KALRN: variants seen among roughly 807,000 people sequenced by gnomAD.
The protein encoded by KALRN is kalirin.
In KALRN, 70 loss-of-function variants were observed where a neutral mutation model predicts 353.7. That is an observed-to-expected ratio of 0.20 (90% CI 0.16 to 0.24). The LOEUF (loss-of-function observed/expected upper bound fraction) is 0.24. Among genes scored for constraint, KALRN ranks in the 10% least tolerant of loss-of-function variants. KALRN has a pLI of 1.00. For synonymous variants in KALRN, 1,391 were observed against 1,434.8 expected (o/e 0.97, Z 0.69); for missense variants, 2,791 against 3,756.7 (o/e 0.74, Z 6.72).
At position 124,101,596 on chromosome 3, in the gene KALRN, A is replaced by T. The variant is rs2061865694; in HGVS notation, c.73+67783A>T. ...GGATTGATTCTGCTCAGGTGCAAGAAGTCAAGAGGCAGCTGGACCTCATGG... is the reference window on the plus strand; with the variant it reads ...GGATTGATTCTGCTCAGGTGCAAGATGTCAAGAGGCAGCTGGACCTCATGG... On this transcript the variant is annotated intron_variant, in intron 1 of 59. Coordinates refer to ENST00000682506, the MANE Select transcript of KALRN (RefSeq NM_001388419.1). 2.6e-5 allele frequency among the ~76,000 whole-genome samples: 4 copies of T among 152,324 alleles called. No homozygotes were observed. The South Asian group carries it at 8.3e-4, about 32-fold the overall frequency.
intron 10 of KALRN, among the ~76,000 whole-genome samples, chr3:124,381,638 A>T (rs1318450515): frequency 6.6e-6 from 1 of 152,166 alleles, no homozygotes; most frequent in African/African-American, 2.4e-5. Flanking sequence ...TCACTGACTT[A>T]TCCAACCTGA....
chr3:124,337,623 G>A (rs1236448968), intron 9 of KALRN, among the ~76,000 whole-genome samples: 3 of 152,114 alleles, frequency 2.0e-5, no homozygotes, highest in Admixed American at 6.5e-5. Context: ...TTGTGTCTCC[G>A]ACAGGGTTTG....
In KALRN at chr3:124,658,520, A is replaced by G. The variant is rs2084383665; in HGVS notation, c.6123+3A>G. ...CTGAGTATGACGCCTACTTTGAGGT[A>G]AGCTGTGCAGGCTTTGCTGAACTGG... On this transcript the variant is annotated splice_donor_region_variant and intron_variant, in intron 42 of 59. Transcript: ENST00000682506. 1 of 1,613,198 alleles carries G rather than the reference A, an allele frequency of 6.2e-7. No homozygotes were observed. Among genetic ancestry groups the G allele is most frequent in the Non-Finnish European group, 8.5e-7 (1 of 1,179,142 alleles).
At chr3:124,288,252 C>G (rs986795108) in intron 5 of KALRN, among the ~76,000 whole-genome samples, 1 of 152,102 alleles carries the variant, frequency 6.6e-6, no homozygotes, top group African/African-American at 2.4e-5. Flanking sequence ...ATGGTAAACA[C>G]TAGAGAAATG....
intron 1 of KALRN, among the ~76,000 whole-genome samples, chr3:124,038,266 G>A (rs957619356): frequency 2.6e-5 from 4 of 152,150 alleles, no homozygotes; most frequent in Non-Finnish European, 4.4e-5. Context: ...GAAAGACCCT[G>A]TGCACTCCAG....
intron 34 of KALRN, among the ~76,000 whole-genome samples, chr3:124,570,337 G>A (rs985053951): frequency 3.9e-5 from 6 of 152,256 alleles, no homozygotes; most frequent in East Asian, 1.9e-4. Flanking sequence ...ATTGAAGTAC[G>A]ATCCTTCAAT....
intron 5 of KALRN, among the ~76,000 whole-genome samples, chr3:124,278,616 G>T (rs4091827): frequency 0.52 from 78,093 of 151,344 alleles, 20,966 homozygotes; most frequent in East Asian, 0.68. Flanking sequence ...GGATGGAGGA[G>T]AGTGTAGGGC....
chr3:124,173,809 T>C (rs2072254720), intron 1 of KALRN, among the ~76,000 whole-genome samples: 1 of 151,936 alleles, frequency 6.6e-6, no homozygotes, highest in Non-Finnish European at 1.5e-5. Context: ...AGAGATGGGG[T>C]TTCACCATGT....
intron 34 of KALRN, among the ~76,000 whole-genome samples, chr3:124,574,085 G>A (rs1221129954): frequency 1.3e-5 from 2 of 152,190 alleles, no homozygotes; most frequent in African/African-American, 2.4e-5. Context: ...AGGACAGAGA[G>A]GAGTTTCGTG....
chr3:124,515,216 A>G (rs903623502), intron 33 of KALRN, among the ~76,000 whole-genome samples: 1 of 152,226 alleles, frequency 6.6e-6, no homozygotes, highest in Non-Finnish European at 1.5e-5. Flanking sequence ...TTATTCCAAA[A>G]GTCTAACATT....
At chr3:124,182,470 G>A (rs2073733136) in intron 1 of KALRN, among the ~76,000 whole-genome samples, 1 of 152,152 alleles carries the variant, frequency 6.6e-6, no homozygotes, top group Admixed American at 6.5e-5. Flanking sequence ...TTGTTATGTG[G>A]GCCTCTCCAA....
intron 1 of KALRN, among the ~76,000 whole-genome samples, chr3:124,156,439 A>G: frequency 6.6e-6 from 1 of 152,138 alleles, no homozygotes; most frequent in Non-Finnish European, 1.5e-5. Context: ...AACTTTATTA[A>G]TGCTTGATCA....
chr3:124,404,153 GAAAAA>G lies in KALRN; in HGVS notation c.2346+5294_2346+5298del, dbSNP rs66603520. Among the ~76,000 whole-genome samples, 6 of 123,596 alleles carry G rather than the reference GAAAAA, an allele frequency of 4.9e-5. No homozygotes were observed. The South Asian group carries it at 1.1e-3, about 22-fold the overall frequency. 81.1% of individuals were successfully genotyped at this position (123,596 alleles called of 152,430 possible). A position where few individuals can be genotyped will look rare whatever the true frequency, so the allele number is the denominator to read the frequency against. ...ACTTGGGTCTTTGTTCTGCTCTCTG[GAAAAA>G]AAAAAAAAAAAGAGAGAACTAGTCT... On this transcript the variant is annotated intron_variant, in intron 13 of 59. Coordinates refer to ENST00000682506, the MANE Select transcript of KALRN (RefSeq NM_001388419.1).
At chr3:124,133,566 G>A (rs1272305734) in intron 1 of KALRN, among the ~76,000 whole-genome samples, 1 of 152,234 alleles carries the variant, frequency 6.6e-6, no homozygotes, top group Non-Finnish European at 1.5e-5. Context: ...GCCCACCCAG[G>A]GCACTGCCTG....
At chr3:124,626,124 T>C (rs1301064395) in intron 34 of KALRN, among the ~76,000 whole-genome samples, 1 of 152,172 alleles carries the variant, frequency 6.6e-6, no homozygotes, top group East Asian at 1.9e-4. Flanking sequence ...TCTACATGTA[T>C]GAACATGAAT....
At chr3:124,309,185 G>A (rs530883629) in intron 6 of KALRN, among the ~76,000 whole-genome samples, 1 of 151,882 alleles carries the variant, frequency 6.6e-6, no homozygotes, top group Admixed American at 6.6e-5. Flanking sequence ...CCCAGGCCCA[G>A]ATGGCTTCAT....
At chr3:124,478,933 C>G (rs181077977) in intron 27 of KALRN, among the ~76,000 whole-genome samples, 3 of 152,316 alleles carry the variant, frequency 2.0e-5, no homozygotes, top group East Asian at 3.9e-4. Context: ...ACCCTTCTGT[C>G]TCTCTCTTCA....
chr3:124,348,058 G>A (rs181984171), intron 10 of KALRN, among the ~76,000 whole-genome samples: 3 of 152,132 alleles, frequency 2.0e-5, no homozygotes, highest in African/African-American at 7.2e-5. Flanking sequence ...TTTTCCAAAC[G>A]GGTCCTGAAA....
chr3:124,689,492 C>T (rs12108112), intron 51 of KALRN, among the ~76,000 whole-genome samples: 1 of 152,204 alleles, frequency 6.6e-6, no homozygotes, highest in Non-Finnish European at 1.5e-5. Context: ...CGTGAGCAAC[C>T]ATACCCAGCC....
Sources: gnomAD v4.1 joint callset for allele counts (sites outside exome capture counted in the v4.1 genomes callset) on GRCh38, gnomAD v4.1.1 for gene constraint, MANE v1.5 for transcripts, NCBI Gene and HGNC (gene_info 2026-07-23, HGNC 2026-07-21) for gene names.